Variants in CACNA2D3 observed in about 807,000 individuals in gnomAD.
CACNA2D3 encodes calcium voltage-gated channel auxiliary subunit alpha2delta 3, also known as voltage-dependent calcium channel subunit alpha-2/delta-3.
In CACNA2D3, 60 loss-of-function variants were observed where a neutral mutation model predicts 160.6. The ratio of observed to expected loss-of-function variants is 0.37; its 90% CI spans 0.30 to 0.46. The LOEUF is 0.46. Among genes scored for constraint, CACNA2D3 ranks in the 20% least tolerant of loss-of-function variants. CACNA2D3 has a pLI of 1.00. For missense variants in CACNA2D3, 1,205 were observed against 1,365.0 expected, an observed-to-expected ratio of 0.88 and a Z score of 1.85; for synonymous variants, 558 against 492.9, an observed-to-expected ratio of 1.13 and a Z score of -1.75.
chr3:54,680,737 A>G (rs1700330328), intron 11 of CACNA2D3, among the ~76,000 whole-genome samples: 1 of 152,132 alleles, frequency 6.6e-6, no homozygotes, highest in Non-Finnish European at 1.5e-5. Flanking sequence ...ACACATGTTT[A>G]CTTTCAGATT....
At chr3:54,462,202 T>C (rs945352208) in intron 4 of CACNA2D3, among the ~76,000 whole-genome samples, 16 of 152,206 alleles carry the variant, frequency 1.1e-4, no homozygotes, top group Admixed American at 7.2e-4. Context: ...TCCCAGTATG[T>C]GGTCCATTTT....
intron 4 of CACNA2D3, among the ~76,000 whole-genome samples, chr3:54,392,195 A>G (rs900409032): frequency 2.1e-4 from 32 of 152,302 alleles, no homozygotes; most frequent in African/African-American, 7.0e-4. Flanking sequence ...ATACCTAGCC[A>G]TTGATGAATT....
intron 16 of CACNA2D3, among the ~76,000 whole-genome samples, chr3:54,841,896 C>G (rs1698826290): frequency 1.3e-5 from 2 of 152,214 alleles, no homozygotes; most frequent in African/African-American, 2.4e-5. Flanking sequence ...GAATATGCCT[C>G]TGGTCCAGGG....
At chr3:54,987,636 G>A (rs758978329) in intron 30 of CACNA2D3, 47 bp from the exon 31 acceptor site, 1 of 1,224,972 alleles carries the variant, frequency 8.2e-7, no homozygotes. Flanking sequence ...TCTCCTGTTT[G>A]GGCACATTAT....
chr3:54,400,670 A>G (rs1301885684), intron 4 of CACNA2D3, among the ~76,000 whole-genome samples: 1 of 152,192 alleles, frequency 6.6e-6, no homozygotes, highest in African/African-American at 2.4e-5. Context: ...CAGAGGATAT[A>G]CAACTGCTTC....
rs529525571 is a variant in CACNA2D3, at chr3:54,863,027, T to A, written c.1627-8512T>A. On this transcript the variant is annotated intron_variant, in intron 17 of 37. Transcript: ENST00000474759. ...AAAGTTCTGTAAATTTTTTAAAAAG[T>A]TACCTGCCAAATGTCACAGACATAC... is the stretch of plus-strand genomic sequence containing the variant. Among the ~76,000 whole-genome samples, 3 of 152,352 alleles carry A rather than the reference T, an allele frequency of 2.0e-5. No individual in the cohort carries two copies. In the East Asian group the frequency reaches 5.8e-4, roughly 29 times the overall value.
chr3:54,629,427 C>G (rs1388131508), intron 10 of CACNA2D3, among the ~76,000 whole-genome samples: 1 of 152,134 alleles, frequency 6.6e-6, no homozygotes, highest in Admixed American at 6.5e-5. Flanking sequence ...ATACCTGTTG[C>G]CACGAAGATG....
At chr3:54,160,963 A>T (rs960626395) in intron 2 of CACNA2D3, among the ~76,000 whole-genome samples, 4 of 152,222 alleles carry the variant, frequency 2.6e-5, no homozygotes, top group African/African-American at 9.6e-5. Flanking sequence ...GGCGAAGTCC[A>T]GCAGGCGAGT....
intron 13 of CACNA2D3, among the ~76,000 whole-genome samples, chr3:54,779,647 C>T (rs1490421327): frequency 6.6e-6 from 1 of 152,164 alleles, no homozygotes; most frequent in African/African-American, 2.4e-5. Flanking sequence ...AACTTTCTCC[C>T]TCCCCTGGGC....
Position 54,626,604 on chromosome 3 carries a change from C to G in CACNA2D3, c.964-1183C>G, listed in dbSNP as rs541111110. On this transcript the variant is annotated intron_variant, in intron 9 of 37. Transcript: ENST00000474759. ...ACAAGCCCATAAAGCACGGCGGGCC[C>G]GGCATCGGGGCCAGCCACTCCTCCC... 5.0e-4 allele frequency: 741 copies of G among 1,468,660 alleles called. 7 individuals carry two copies. Among genetic ancestry groups the G allele is most frequent in the South Asian group, 4.7e-3 (405 of 85,304 alleles). The allele number at this position is 1,468,660 out of a possible 1,614,324, so 91.0% of individuals were successfully genotyped here. A position where few individuals can be genotyped will look rare whatever the true frequency, so the allele number is the denominator to read the frequency against.
chr3:54,918,395 A>G, intron 27 of CACNA2D3: 3 of 1,406,970 alleles, frequency 2.1e-6, no homozygotes, highest in South Asian at 1.3e-5. Flanking sequence ...CAGGAAACAC[A>G]TCAGCCCTAC....
At chr3:54,976,956 A>T (rs1702403784) in intron 29 of CACNA2D3, among the ~76,000 whole-genome samples, 1 of 152,240 alleles carries the variant, frequency 6.6e-6, no homozygotes, top group Admixed American at 6.5e-5. Flanking sequence ...TTTACAGCAA[A>T]TAATAAAAAG....
At position 54,805,314 on chromosome 3, in the gene CACNA2D3, TAAAGAA is replaced by T. The variant is rs552181470; in HGVS notation, c.1381-11538_1381-11533del. 4.3e-3 allele frequency among the ~76,000 whole-genome samples: 650 copies of T among 151,808 alleles called. 6 individuals carry two copies. Among genetic ancestry groups the T allele is most frequent in the African/African-American group, 0.014 (574 of 41,360 alleles). On this transcript the variant is annotated intron_variant, in intron 13 of 37. Coordinates refer to ENST00000474759, the MANE Select transcript of CACNA2D3 (RefSeq NM_018398.3). Reference sequence around the variant, plus strand: ...ATTGATAGACCACTAGCAAGACTAATAAAGAAGAAAAGAGAGAAGAATCAAATAGAC... The same window carrying T: ...ATTGATAGACCACTAGCAAGACTAATGAAAAGAGAGAAGAATCAAATAGAC...
chr3:55,042,645 G>C (rs544521140), intron 35 of CACNA2D3, among the ~76,000 whole-genome samples: 1 of 152,028 alleles, frequency 6.6e-6, no homozygotes, highest in African/African-American at 2.4e-5. Flanking sequence ...CAATTTACTC[G>C]TGATAAAATT....
At chr3:54,567,155 C>T (rs973473151) in intron 6 of CACNA2D3, among the ~76,000 whole-genome samples, 1 of 152,136 alleles carries the variant, frequency 6.6e-6, no homozygotes, top group Non-Finnish European at 1.5e-5. Flanking sequence ...AGAGAGATGG[C>T]ATCTAGTTGA....
chr3:54,153,518 T>C (rs1325687181), intron 2 of CACNA2D3, among the ~76,000 whole-genome samples: 1 of 152,156 alleles, frequency 6.6e-6, no homozygotes, highest in Non-Finnish European at 1.5e-5. Flanking sequence ...TTTATGAAGG[T>C]TGAAAAAGAC....
At chr3:54,720,291 G>A (rs1458975121) in intron 11 of CACNA2D3, among the ~76,000 whole-genome samples, 1 of 151,740 alleles carries the variant, frequency 6.6e-6, no homozygotes, top group Non-Finnish European at 1.5e-5. Flanking sequence ...TTTAGTAATA[G>A]TGCACTTTTA....
chr3:54,432,353 C>T (rs549675592), intron 4 of CACNA2D3, among the ~76,000 whole-genome samples: 1 of 152,232 alleles, frequency 6.6e-6, no homozygotes, highest in South Asian at 2.1e-4. Flanking sequence ...TCTCTCGACT[C>T]ACTGTGTGTT....
chr3:54,680,037 T>C (rs1056586939), intron 11 of CACNA2D3, among the ~76,000 whole-genome samples: 1 of 152,242 alleles, frequency 6.6e-6, no homozygotes, highest in African/African-American at 2.4e-5. Context: ...TACTTTTAGT[T>C]CTTCTTTCCT....
Sources: gnomAD v4.1 joint callset for allele counts (sites outside exome capture counted in the v4.1 genomes callset) on GRCh38, gnomAD v4.1.1 for gene constraint, MANE v1.5 for transcripts, NCBI Gene and HGNC (gene_info 2026-07-23, HGNC 2026-07-21) for gene names.